TJAP1: variants seen among roughly 807,000 people sequenced by gnomAD.
TJAP1 encodes the protein tight junction associated protein 1.
In TJAP1, 27 loss-of-function variants were observed where a neutral mutation model predicts 42.0. The ratio of observed to expected loss-of-function variants is 0.64; its 90% CI spans 0.47 to 0.89. The LOEUF (loss-of-function observed/expected upper bound fraction) is 0.89. Among genes scored for constraint, TJAP1 ranks in the 40% least tolerant of loss-of-function variants. The pLI, the probability that TJAP1 is intolerant of heterozygous loss-of-function variation, is 0.00. For missense variants in TJAP1, 712 were observed against 726.9 expected, an observed-to-expected ratio of 0.98 and a Z score of 0.24; for synonymous variants, 257 against 288.4, an observed-to-expected ratio of 0.89 and a Z score of 1.10.
intron 2 of TJAP1, among the ~76,000 whole-genome samples, chr6:43,482,509 G>A (rs1785530133): frequency 6.6e-6 from 1 of 152,056 alleles, no homozygotes; most frequent in African/African-American, 2.4e-5. Context: ...CTACCTTTTT[G>A]TCCTTCAGGT....
intron 4 of TJAP1, 80 bp from the exon 5 acceptor site, chr6:43,500,664 T>A: frequency 1.3e-6 from 2 of 1,539,946 alleles, no homozygotes; most frequent in Non-Finnish European, 1.8e-6. Flanking sequence ...ACCTGAGCCT[T>A]CTTGTGGCTA....
intron 8 of TJAP1, chr6:43,502,957 C>T: frequency 2.0e-6 from 1 of 490,260 alleles, no homozygotes; most frequent in Admixed American, 3.4e-5. Context: ...ACTTTTGAGC[C>T]TGCAGCTTGC....
At chr6:43,500,650 TCA>T in intron 4 of TJAP1, 92 bp from the exon 5 acceptor site, 1 of 1,442,026 alleles carries the variant, frequency 6.9e-7, no homozygotes, top group Non-Finnish European at 9.8e-7. Flanking sequence ...TCTTTGGGCT[TCA>T]CACCTGAGCC....
rs1275925070 is a variant in TJAP1, at chr6:43,484,082, C to A, written c.-122+5850C>A. Among the ~76,000 whole-genome samples the A allele has an allele frequency of 2.3e-3, 330 of 143,396 alleles. 1 individual carries two copies. The highest frequency in any genetic ancestry group is 5.1e-3 in the African/African-American group (199 of 39,370). 94.1% of individuals were successfully genotyped at this position (143,396 alleles called of 152,430 possible). ...ACCCAATCTCTAAAAAAATTAAAAA[C>A]AAAAAAAAAAATAAAATATGGGTGA... On this transcript the variant is annotated intron_variant, in intron 2 of 10. Transcript: ENST00000372449.
rs151036953 is a variant in TJAP1 at position 43,504,938 on chromosome 6, G to A, written c.757G>A (p.Gly253Arg). The change falls in exon 11 of 11, where the codon GGG becomes AGG. Residue 253 changes from glycine (G) to arginine (R), a missense_variant. Around this residue, in one of 3 missense-constraint regions of TJAP1, gnomAD observed 549 missense variants for 528.2 expected, o/e 1.04. Transcript: ENST00000372449. ...CAATTCAGCCCAGTCAGGCAGCGCC[G>A]GGCGCCCCTTGGCTGAGGATGTCTT... The A allele has an allele frequency of 1.1e-5, 17 of 1,614,112 alleles. No individual in the cohort carries two copies. The highest frequency in any genetic ancestry group is 1.6e-4 in the Middle Eastern group (1 of 6,062).
chr6:43,481,057 A>T (rs970441981), intron 2 of TJAP1, among the ~76,000 whole-genome samples: 8 of 152,138 alleles, frequency 5.3e-5, no homozygotes, highest in African/African-American at 1.9e-4. Flanking sequence ...TTGTTTGACT[A>T]TATCCTGGTT....
At chr6:43,483,027 C>T (rs1160128830) in intron 2 of TJAP1, among the ~76,000 whole-genome samples, 1 of 151,872 alleles carries the variant, frequency 6.6e-6, no homozygotes, top group African/African-American at 2.4e-5. Context: ...GAGGTTGAGG[C>T]AGGAGAATCA....
chr6:43,488,016 C>T (rs1393928455), intron 2 of TJAP1, among the ~76,000 whole-genome samples: 1 of 152,028 alleles, frequency 6.6e-6, no homozygotes, highest in African/African-American at 2.4e-5. Context: ...ATTATAGGCG[C>T]CAGCCAACAC....
chr6:43,487,870 G>GTTTTTTGT (rs1554217636), intron 2 of TJAP1, among the ~76,000 whole-genome samples: 1 of 138,356 alleles, frequency 7.2e-6, no homozygotes, highest in Admixed American at 7.2e-5. Context: ...CCTTCTAGTA[G>GTTTTTTGT]TTTTTTTTTT....
intron 2 of TJAP1, among the ~76,000 whole-genome samples, chr6:43,494,105 C>T (rs1458645353): frequency 2.0e-5 from 3 of 152,168 alleles, no homozygotes; most frequent in Non-Finnish European, 2.9e-5. Context: ...GCTAATCATG[C>T]CCCATGGGCT....
At chr6:43,503,995 G>A (rs1253208637) in intron 10 of TJAP1, 2 of 626,872 alleles carry the variant, frequency 3.2e-6, no homozygotes, top group African/African-American at 3.6e-5. Flanking sequence ...TCTGCCCAAA[G>A]AGTACTAAGA....
At chr6:43,503,257 G>A in intron 8 of TJAP1, 144 bp from the exon 9 acceptor site, 1 of 648,824 alleles carries the variant, frequency 1.5e-6, no homozygotes, top group South Asian at 1.9e-5. Context: ...GTCTCCTTCT[G>A]TCTGTCCGTC....
chr6:43,482,919 C>G (rs570836510), intron 2 of TJAP1, among the ~76,000 whole-genome samples: 5 of 152,084 alleles, frequency 3.3e-5, no homozygotes, highest in East Asian at 3.9e-4. Context: ...ATCAGGAGTT[C>G]GAGACCAGCC....
rs1208326499 is a variant in TJAP1, at chr6:43,505,168, C to T, written c.987C>T (p.Arg329=). The T allele has an allele frequency of 8.7e-6, 14 of 1,614,208 alleles. No homozygotes were observed. Among genetic ancestry groups the T allele is most frequent in the Non-Finnish European group, 1.2e-5 (14 of 1,180,024 alleles). Reference sequence around the variant, plus strand: ...CACCACACCCACTGTATCCTGGCCGCAGGGTAATAGAGTTCTCTGAGGATA... The same window carrying T: ...CACCACACCCACTGTATCCTGGCCGTAGGGTAATAGAGTTCTCTGAGGATA... Residue 329 remains arginine (R), a synonymous_variant, in exon 11 of 11, where the codon CGC becomes CGT. Coordinates refer to ENST00000372449, the Ensembl canonical transcript of TJAP1. This position sits in a 1 kb window ranked among gnomAD's most constrained non-coding sequence, Gnocchi z 5.5.
chr6:43,504,647 CAG>C, intron 10 of TJAP1, 112 bp from the exon 11 acceptor site: 1 of 1,318,708 alleles, frequency 7.6e-7, no homozygotes. Flanking sequence ...CAGGAGATAG[CAG>C]AGTGCTGAGT....
intron 2 of TJAP1, among the ~76,000 whole-genome samples, chr6:43,480,979 G>A (rs2127461513): frequency 6.6e-6 from 1 of 152,210 alleles, no homozygotes; most frequent in Admixed American, 6.5e-5. Flanking sequence ...CAGCAGTTGA[G>A]CTTTTTTTTT....
chr6:43,477,585 C>T (rs1351538145), exon 1 of TJAP1: 2 of 152,348 alleles, frequency 1.3e-5, no homozygotes, highest in Non-Finnish European at 2.9e-5. Context: ...CCGGCCTGCC[C>T]CGCGGCAAGA....
At chr6:43,500,837 C>G in intron 5 of TJAP1, 65 bp downstream of exon 5, 1 of 1,587,166 alleles carries the variant, frequency 6.3e-7, no homozygotes, top group Non-Finnish European at 8.7e-7. Context: ...CCAGGCTAGA[C>G]TGTTGGTACA....
intron 5 of TJAP1, 69 bp from the exon 6 acceptor site, chr6:43,501,457 C>A: frequency 1.4e-6 from 2 of 1,453,150 alleles, no homozygotes; most frequent in Non-Finnish European, 1.9e-6. Flanking sequence ...TGAGCCCACT[C>A]TGGAGCTCCA....
Sources: allele counts gnomAD v4.1 joint callset (sites outside exome capture counted in the v4.1 genomes callset), GRCh38; gene constraint gnomAD v4.1.1; regional missense constraint gnomAD v4.1.1; non-coding constraint Gnocchi (gnomAD v3.1); transcripts MANE v1.5; gene names NCBI Gene and HGNC (gene_info 2026-07-23, HGNC 2026-07-21).